OSBPL3: variants seen among roughly 807,000 people sequenced by gnomAD.
The protein encoded by OSBPL3 is oxysterol binding protein like 3, also known as oxysterol-binding protein-related protein 3.
OSBPL3 carries 65 observed loss-of-function variants against 120.1 expected under a neutral mutation model. That is an observed-to-expected ratio of 0.54 (90% CI 0.44 to 0.67). The LOEUF (loss-of-function observed/expected upper bound fraction) is 0.67. Ranked by LOEUF, OSBPL3 falls within the 30% of genes least tolerant of loss-of-function variation. The pLI, the probability that OSBPL3 is intolerant of heterozygous loss-of-function variation, is 0.00. For missense variants in OSBPL3, 1,004 were observed against 1,082.1 expected (o/e 0.93, Z 1.01); for synonymous variants, 416 against 402.6 (o/e 1.03, Z -0.40).
Position 24,808,047 on chromosome 7 carries a change from C to T in OSBPL3, c.2318-1145G>A, listed in dbSNP as rs1793290989. Among the ~76,000 whole-genome samples, 1 of 152,122 alleles carries T rather than the reference C, an allele frequency of 6.6e-6. No individual in the cohort carries two copies. The highest frequency in any genetic ancestry group is 2.4e-5 in the African/African-American group (1 of 41,414). ...TGAGTAGCTGGGACTACAGTAGATG[C>T]ACACCACCATGCCTGGCTAATCTTT... On this transcript the variant is annotated intron_variant, in intron 20 of 22. Transcript: ENST00000313367. The surrounding 1 kb of genome is among the most constrained non-coding windows in gnomAD (Gnocchi z 4.6).
In OSBPL3 at chr7:24,842,348, G is replaced by A. The variant is rs368806105; in HGVS notation, c.1332C>T (p.Ile444=). ...CAAAAAACTCAGAAAGGGAGTCAGT[G>A]ATGGAGAGTCTACTTTCATTAGAAA... ...HQLSNESRLS[I]TDSLSEFFDA... is the part of the protein sequence containing the mutation. The change falls in exon 13 of 23, where the codon ATC becomes ATT. Residue 444 remains isoleucine (I), a synonymous_variant. Coordinates refer to ENST00000313367, the MANE Select transcript of OSBPL3 (RefSeq NM_015550.4). 35 of 1,612,268 alleles carry A rather than the reference G, an allele frequency of 2.2e-5. No homozygotes were observed. Among genetic ancestry groups the A allele is most frequent in the Middle Eastern group, 3.3e-4 (2 of 6,054 alleles).
chr7:24,922,540 A>G lies in OSBPL3; in HGVS notation c.-149-29919T>C, dbSNP rs1477901201. On this transcript the variant is annotated intron_variant, in intron 1 of 22. Transcript: ENST00000313367. The surrounding 1 kb of genome is among the most constrained non-coding windows in gnomAD (Gnocchi z 4.3). Reference sequence around the variant, plus strand: ...TTAAATACATAAAATGCACTATGTGATTCATCATTACAGTAAACCCCAAGG... The same window carrying G: ...TTAAATACATAAAATGCACTATGTGGTTCATCATTACAGTAAACCCCAAGG... 6.6e-6 allele frequency among the ~76,000 whole-genome samples: 1 copy of G among 152,218 alleles called. No individual in the cohort carries two copies. Among genetic ancestry groups the G allele is most frequent in the African/African-American group, 2.4e-5 (1 of 41,458 alleles).
At chr7:24,902,759 A>T (rs1210714801) in intron 1 of OSBPL3, among the ~76,000 whole-genome samples, 2 of 150,570 alleles carry the variant, frequency 1.3e-5, no homozygotes, top group African/African-American at 4.9e-5. Context: ...TGAATGCCAC[A>T]CCTAAACGAC....
rs1455130249 is a variant in OSBPL3, at chr7:24,877,252, GTT to G, written c.97-5185_97-5184del. 6.6e-6 allele frequency among the ~76,000 whole-genome samples: 1 copy of G among 152,202 alleles called. No individual in the cohort carries two copies. The highest frequency in any genetic ancestry group is 1.5e-5 in the Non-Finnish European group (1 of 68,032). ...CAAGACCTTGAGACAATTGGAAGGA[GTT>G]AAGAAACAGTGCAGTATGGATGGAG... On this transcript the variant is annotated intron_variant, in intron 2 of 22. Transcript: ENST00000313367. This position sits in a 1 kb window ranked among gnomAD's most constrained non-coding sequence, Gnocchi z 4.8.
At position 24,872,356 on chromosome 7, in the gene OSBPL3, T is replaced by G. The variant is rs755330009; in HGVS notation, c.97-287A>C. On this transcript the variant is annotated intron_variant, in intron 2 of 22. Coordinates refer to ENST00000313367, the MANE Select transcript of OSBPL3 (RefSeq NM_015550.4). The surrounding 1 kb of genome is among the most constrained non-coding windows in gnomAD (Gnocchi z 4.1). ...TAGGCACAGCTAAATGTAAAGATTTTCCTGTAAGTTCTATTTTTGTTCAGT... is the reference window on the plus strand; with the variant it reads ...TAGGCACAGCTAAATGTAAAGATTTGCCTGTAAGTTCTATTTTTGTTCAGT... Among the ~76,000 whole-genome samples, 25 of 152,062 alleles carry G rather than the reference T, an allele frequency of 1.6e-4. No homozygotes were observed. The highest frequency in any genetic ancestry group is 3.7e-4 in the Non-Finnish European group (25 of 68,004).
At position 24,905,707 on chromosome 7, in the gene OSBPL3, G is replaced by T. The variant is rs371698121; in HGVS notation, c.-149-13086C>A. On this transcript the variant is annotated intron_variant, in intron 1 of 22. Coordinates refer to ENST00000313367, the MANE Select transcript of OSBPL3 (RefSeq NM_015550.4). ...AAACTATTCTCTTTGATAGGAAGAG[G>T]GCGTAAGTCTTCCTTGCCATGCTGT... Among the ~76,000 whole-genome samples, 10 of 152,266 alleles carry T rather than the reference G, an allele frequency of 6.6e-5. No individual in the cohort carries two copies. In the East Asian group the frequency reaches 1.2e-3, roughly 18 times the overall value.
intron 1 of OSBPL3, among the ~76,000 whole-genome samples, chr7:24,941,429 C>CTCGCCTACCTGACTACAATA (rs1455568855): frequency 3.3e-5 from 5 of 152,208 alleles, no homozygotes; most frequent in African/African-American, 9.6e-5. Flanking sequence ...ATTATCATCT[C>CTCGCCTACCTGACTACAATA]TCGCCTACCT....
chr7:24,865,232 G>C, intron 7 of OSBPL3, 110 bp downstream of exon 7: 1 of 1,133,496 alleles, frequency 8.8e-7, no homozygotes, highest in Non-Finnish European at 1.3e-6. Context: ...AAATATGGAA[G>C]GGAATGTGGA....
intron 7 of OSBPL3, among the ~76,000 whole-genome samples, chr7:24,864,759 A>G (rs1441763630): frequency 6.6e-6 from 1 of 152,186 alleles, no homozygotes; most frequent in African/African-American, 2.4e-5. Context: ...TCCCTAAGTC[A>G]GTCTTAGCTA....
chr7:24,800,041 A>G lies in OSBPL3; in HGVS notation c.*142T>C, dbSNP rs1015235444. On this transcript the variant is annotated 3_prime_UTR_variant, in exon 23 of 23. Transcript: ENST00000313367. ...TGTAAAGAAACGCACTGAGGAAAAT[A>G]TAGACTTAAAGAGTTACAATGCTAA... 1.7e-5 allele frequency: 8 copies of G among 478,944 alleles called. No homozygotes were observed. The highest frequency in any genetic ancestry group is 1.4e-4 in the African/African-American group (7 of 51,194). 29.7% of individuals were successfully genotyped at this position (478,944 alleles called of 1,614,324 possible). A position where few individuals can be genotyped will look rare whatever the true frequency, so the allele number is the denominator to read the frequency against.
Position 24,871,948 on chromosome 7 carries a change from C to A in OSBPL3, c.213+5G>T. 6.2e-7 allele frequency: 1 copy of A among 1,604,942 alleles called. No individual in the cohort carries two copies. The highest frequency in any genetic ancestry group is 8.5e-7 in the Non-Finnish European group (1 of 1,171,862). On this transcript the variant is annotated splice_donor_5th_base_variant and intron_variant, in intron 3 of 22. Transcript: ENST00000313367. The surrounding 1 kb of genome is among the most constrained non-coding windows in gnomAD (Gnocchi z 4.8). Reference sequence around the variant, plus strand: ...AAATAAAGGGGAGGCCAAGACCAACCTTACCTTATGCCAGCCTTTTAAGGG... The same window carrying A: ...AAATAAAGGGGAGGCCAAGACCAACATTACCTTATGCCAGCCTTTTAAGGG...
At position 24,972,230 on chromosome 7, in the gene OSBPL3, T is replaced by C. The variant is rs1370686587; in HGVS notation, c.-150+7656A>G. 6.6e-6 allele frequency among the ~76,000 whole-genome samples: 1 copy of C among 152,088 alleles called. No homozygotes were observed. Among genetic ancestry groups the C allele is most frequent in the African/African-American group, 2.4e-5 (1 of 41,410 alleles). ...AGAGAGAGAAATTCAAAACCTCAAA[T>C]CAAAAGAGGAGTTAAGGCCTCCTCC... On this transcript the variant is annotated intron_variant, in intron 1 of 22. Transcript: ENST00000313367. The surrounding 1 kb of genome is among the most constrained non-coding windows in gnomAD (Gnocchi z 4.3).
chr7:24,976,061 T>C (rs767020430), intron 1 of OSBPL3, among the ~76,000 whole-genome samples: 10 of 152,178 alleles, frequency 6.6e-5, no homozygotes, highest in Non-Finnish European at 8.8e-5. Context: ...TATATGCAAA[T>C]AAGTAGAGAA....
At position 24,872,448 on chromosome 7, in the gene OSBPL3, A is replaced by AGTAT. The variant is rs1802281195; in HGVS notation, c.97-380_97-379insATAC. 6.9e-6 allele frequency among the ~76,000 whole-genome samples: 1 copy of AGTAT among 144,890 alleles called. No homozygotes were observed. The highest frequency in any genetic ancestry group is 2.6e-5 in the African/African-American group (1 of 38,708). On this transcript the variant is annotated intron_variant, in intron 2 of 22. Coordinates refer to ENST00000313367, the MANE Select transcript of OSBPL3 (RefSeq NM_015550.4). The surrounding 1 kb of genome is among the most constrained non-coding windows in gnomAD (Gnocchi z 4.1). ...TCAGTCTGAATTTTAACCGAAAGAG[A>AGTAT]GTGTGTGTGTGTGTGTGTGTGTGTG...
chr7:24,882,376 T>C (rs1421134690), intron 2 of OSBPL3, among the ~76,000 whole-genome samples: 1 of 152,142 alleles, frequency 6.6e-6, no homozygotes, highest in African/African-American at 2.4e-5. Context: ...GCCTGGCTTA[T>C]TTCACTTAAG....
rs1584365702 is a variant in OSBPL3, at chr7:24,849,469, G to A, written c.1159-293C>T. On this transcript the variant is annotated intron_variant, in intron 11 of 22. Transcript: ENST00000313367. This position sits in a 1 kb window ranked among gnomAD's most constrained non-coding sequence, Gnocchi z 5.4. ...AGAGAGGGAAGTCACAGACACTGTC[G>A]GCTTCTGTTAAGACCAGTGGTTCCA... 4.5e-6 allele frequency: 1 copy of A among 220,176 alleles called. No individual in the cohort carries two copies. Among genetic ancestry groups the A allele is most frequent in the Non-Finnish European group, 9.1e-6 (1 of 109,652 alleles). The allele number at this position is 220,176 out of a possible 1,614,324, so 13.6% of individuals were successfully genotyped here. A position where few individuals can be genotyped will look rare whatever the true frequency, so the allele number is the denominator to read the frequency against.
At position 24,804,324 on chromosome 7, in the gene OSBPL3, C is replaced by T. The variant is rs368856937; in HGVS notation, c.2558G>A (p.Arg853Gln). The T allele has an allele frequency of 8.7e-6, 14 of 1,613,998 alleles. No homozygotes were observed. The highest frequency in any genetic ancestry group is 5.5e-5 in the South Asian group (5 of 91,072). ...LEENHVEHQP[R>Q]FFRKSDDDSW... Reference sequence around the variant, plus strand: ...CAATCCAGGCACGAACCTGAAAAACCGAGGCTGGTGCTCCACATGATTTTC... The same window carrying T: ...CAATCCAGGCACGAACCTGAAAAACTGAGGCTGGTGCTCCACATGATTTTC... The change falls in exon 22 of 23, where the codon CGG (arginine) becomes CAG (glutamine). Residue 853 changes from arginine to glutamine, a missense_variant. Physicochemically the swap from Arg to Gln is conservative, Grantham distance 43. Transcript: ENST00000313367. This position sits in a 1 kb window ranked among gnomAD's most constrained non-coding sequence, Gnocchi z 5.4.
In OSBPL3 at chr7:24,872,084, G is replaced by C; in HGVS notation, c.97-15C>G. On this transcript the variant is annotated splice_polypyrimidine_tract_variant and intron_variant, in intron 2 of 22. Transcript: ENST00000313367. This position sits in a 1 kb window ranked among gnomAD's most constrained non-coding sequence, Gnocchi z 4.1. ...TCCCAGCTGTCCTGTTCCAACAAAA[G>C]AGTTCATGTTAAATGTCTATCTTTT... 2 of 1,511,416 alleles carry C rather than the reference G, an allele frequency of 1.3e-6. No homozygotes were observed. Among genetic ancestry groups the C allele is most frequent in the East Asian group, 2.2e-5 (1 of 44,462 alleles). The allele number at this position is 1,511,416 out of a possible 1,614,324, so 93.6% of individuals were successfully genotyped here.
Position 24,863,629 on chromosome 7 carries a change from A to G in OSBPL3, c.674-30T>C, listed in dbSNP as rs767220498. On this transcript the variant is annotated intron_variant, in intron 7 of 22. Coordinates refer to ENST00000313367, the MANE Select transcript of OSBPL3 (RefSeq NM_015550.4). The surrounding 1 kb of genome is among the most constrained non-coding windows in gnomAD (Gnocchi z 5.8). ...GGGGGAAAAGAGGACAGTGCTCACA[A>G]TGCTCCACTAGCAAGAGGGATCACT... is the stretch of plus-strand genomic sequence containing the variant. The G allele has an allele frequency of 8.8e-6, 12 of 1,359,790 alleles. No individual in the cohort carries two copies. In the South Asian group the frequency reaches 1.4e-4, roughly 16 times the overall value. The allele number at this position is 1,359,790 out of a possible 1,614,324, so 84.2% of individuals were successfully genotyped here. A position where few individuals can be genotyped will look rare whatever the true frequency, so the allele number is the denominator to read the frequency against.
Sources: allele counts gnomAD v4.1 joint callset (sites outside exome capture counted in the v4.1 genomes callset), GRCh38; gene constraint gnomAD v4.1.1; non-coding constraint Gnocchi (gnomAD v3.1); transcripts MANE v1.5; gene names NCBI Gene and HGNC (gene_info 2026-07-23, HGNC 2026-07-21).